The following NEK10 variants were observed in gnomAD, a reference collection of about 807,000 sequenced individuals.
The protein encoded by NEK10 is NIMA related kinase 10.
NEK10 carries 122 observed loss-of-function variants against 159.8 expected under a neutral mutation model. The observed-to-expected ratio is 0.76, with a 90% CI of 0.66 to 0.89. The LOEUF (loss-of-function observed/expected upper bound fraction) is 0.89. NEK10 is among the 40% of genes least tolerant of loss of function. The pLI, the probability that NEK10 is intolerant of heterozygous loss-of-function variation, is 0.00. For synonymous variants in NEK10, 466 were observed against 457.1 expected (o/e 1.02, Z -0.25); for missense variants, 1,342 against 1,323.1 (o/e 1.01, Z -0.22).
intron 22 of NEK10, among the ~76,000 whole-genome samples, chr3:27,258,759 C>G (rs376824405): frequency 2.7e-4 from 41 of 152,214 alleles, no homozygotes; most frequent in African/African-American, 6.5e-4. Flanking sequence ...GGGTCAAATG[C>G]TATTTCTAGT....
At chr3:27,158,165 A>G (rs1393688167) in intron 30 of NEK10, among the ~76,000 whole-genome samples, 1 of 152,200 alleles carries the variant, frequency 6.6e-6, no homozygotes, top group Non-Finnish European at 1.5e-5. Context: ...GTTGCAATGA[A>G]GGTGCTTACA....
intron 23 of NEK10, among the ~76,000 whole-genome samples, chr3:27,204,089 C>T (rs964958488): frequency 2.0e-5 from 3 of 152,060 alleles, no homozygotes; most frequent in Non-Finnish European, 2.9e-5. Context: ...TTCTCATCTA[C>T]TGAGATCTCA....
intron 11 of NEK10, among the ~76,000 whole-genome samples, chr3:27,305,693 A>G (rs1358722770): frequency 6.6e-6 from 1 of 152,146 alleles, no homozygotes; most frequent in Non-Finnish European, 1.5e-5. Flanking sequence ...AAAATAAGAC[A>G]TTCTTAGAAA....
intron 7 of NEK10, among the ~76,000 whole-genome samples, chr3:27,312,682 G>A (rs992229042): frequency 6.6e-6 from 1 of 152,130 alleles, no homozygotes. Flanking sequence ...TCTCACTGTG[G>A]ATAATGATTA....
intron 28 of NEK10, 130 bp downstream of exon 28, chr3:27,174,299 CATCTGTCCTA>C: frequency 7.7e-7 from 1 of 1,294,098 alleles, no homozygotes; most frequent in Non-Finnish European, 1.1e-6. Flanking sequence ...GAGACAGACA[CATCTGTCCTA>C]ATTAGCACTG....
intron 4 of NEK10, among the ~76,000 whole-genome samples, chr3:27,345,289 C>T (rs998920543): frequency 1.5e-4 from 23 of 152,064 alleles, no homozygotes; most frequent in African/African-American, 4.6e-4. Flanking sequence ...TCTTAGTACA[C>T]GGGCACTGGT....
chr3:27,247,138 T>C (rs1955155763), intron 23 of NEK10, among the ~76,000 whole-genome samples: 1 of 152,234 alleles, frequency 6.6e-6, no homozygotes, highest in Non-Finnish European at 1.5e-5. Flanking sequence ...CTGGCTGCTC[T>C]GGCTAGGGCT....
intron 2 of NEK10, 42 bp from the exon 3 acceptor site, chr3:27,352,567 C>G (rs772494428): frequency 7.0e-7 from 1 of 1,438,584 alleles, no homozygotes; most frequent in Non-Finnish European, 9.8e-7. Context: ...CAGAAGGCTC[C>G]AGGTGAACAA....
intron 32 of NEK10, among the ~76,000 whole-genome samples, chr3:27,125,284 AAAC>A (rs1350303958): frequency 2.6e-5 from 4 of 152,180 alleles, no homozygotes; most frequent in Non-Finnish European, 5.9e-5. Flanking sequence ...TAAATTTCCC[AAAC>A]AACATCTTTT....
chr3:27,253,014 TA>T, intron 23 of NEK10: 2 of 404,600 alleles, frequency 4.9e-6, no homozygotes, highest in Non-Finnish European at 9.8e-6. Context: ...ATCAAAAAAA[TA>T]ATTTTTTTAA....
At chr3:27,358,593 G>A (rs2048473660) in intron 1 of NEK10, among the ~76,000 whole-genome samples, 2 of 152,122 alleles carry the variant, frequency 1.3e-5, no homozygotes, top group South Asian at 2.1e-4. Flanking sequence ...ACATGCCATG[G>A]CAAAATTACC....
At chr3:27,321,419 C>A (rs1289038448) in intron 6 of NEK10, among the ~76,000 whole-genome samples, 1 of 152,124 alleles carries the variant, frequency 6.6e-6, no homozygotes, top group Non-Finnish European at 1.5e-5. Context: ...GCCTGTAATC[C>A]CAGCACTTTG....
chr3:27,305,069 C>A, intron 11 of NEK10, 98 bp from the exon 12 acceptor site: 1 of 757,656 alleles, frequency 1.3e-6, no homozygotes, highest in East Asian at 2.7e-5. Flanking sequence ...AAATATAACC[C>A]TAACATTTTG....
intron 20 of NEK10, among the ~76,000 whole-genome samples, chr3:27,286,545 C>CCTTTT (rs773749339): frequency 3.1e-5 from 2 of 65,046 alleles, no homozygotes; most frequent in Admixed American, 2.3e-4. Flanking sequence ...CCACGCCCAG[C>CCTTTT]TTTTTTTTTT....
intron 3 of NEK10, among the ~76,000 whole-genome samples, chr3:27,346,654 A>C (rs1037290886): frequency 6.6e-6 from 1 of 152,192 alleles, no homozygotes; most frequent in African/African-American, 2.4e-5. Context: ...GGATCCAGGT[A>C]GAACACTCTG....
chr3:27,354,313 T>C (rs2048178099), intron 1 of NEK10, among the ~76,000 whole-genome samples: 1 of 152,208 alleles, frequency 6.6e-6, no homozygotes, highest in South Asian at 2.1e-4. Flanking sequence ...TTAATTTCCA[T>C]AATTGTATTG....
At chr3:27,261,901 G>T (rs2040445982) in intron 22 of NEK10, among the ~76,000 whole-genome samples, 1 of 152,126 alleles carries the variant, frequency 6.6e-6, no homozygotes, top group Admixed American at 6.5e-5. Context: ...ATCAATCGGG[G>T]TACCCCTGTA....
At chr3:27,275,027 C>T (rs558059827) in intron 22 of NEK10, among the ~76,000 whole-genome samples, 14 of 152,240 alleles carry the variant, frequency 9.2e-5, no homozygotes, top group African/African-American at 3.1e-4. Flanking sequence ...CCTTAGTCTT[C>T]GGTGTTTTTA....
chr3:27,256,157 T>G (rs1956146599), intron 23 of NEK10, 139 bp downstream of exon 23: 2 of 441,892 alleles, frequency 4.5e-6, no homozygotes, highest in Non-Finnish European at 8.0e-6. Flanking sequence ...TAGTAATGTG[T>G]ATTACCTAGA....
Sources: gnomAD v4.1 joint callset for allele counts (sites outside exome capture counted in the v4.1 genomes callset) on GRCh38, gnomAD v4.1.1 for gene constraint, MANE v1.5 for transcripts, NCBI Gene and HGNC (gene_info 2026-07-23, HGNC 2026-07-21) for gene names.